Variants in CEP162 observed in about 807,000 individuals in gnomAD.
CEP162 encodes centrosomal protein of 162 kDa.
A neutral mutation model predicts 169.2 loss-of-function variants in CEP162; 141 were observed. The observed-to-expected ratio is 0.83, with a 90% CI of 0.73 to 0.96. CEP162 has a LOEUF of 0.96. Among genes scored for constraint, CEP162 ranks in the 40% least tolerant of loss-of-function variants. The pLI is 0.00. For missense variants in CEP162, 1,600 were observed against 1,587.2 expected (o/e 1.01, Z -0.14); for synonymous variants, 540 against 526.4 (o/e 1.03, Z -0.35).
At chr6:84,211,485 T>C (rs2099549425) in intron 6 of CEP162, among the ~76,000 whole-genome samples, 1 of 127,746 alleles carries the variant, frequency 7.8e-6, no homozygotes, top group South Asian at 2.3e-4. Flanking sequence ...CGAGATGGTA[T>C]CACTGCACTC....
rs1455395329 is a variant in CEP162, at chr6:84,161,859, TTTC to T, written c.2560_2562del (p.Glu854del). ...TGTAATCTTTTTTGCAGACGACTGA[TTTC>T]TTGTTTATGTGTTTCTTCTAAAATT... On this transcript the variant is annotated inframe_deletion, in exon 20 of 27. Coordinates refer to ENST00000403245, the MANE Select transcript of CEP162 (RefSeq NM_014895.4). 6 of 1,579,940 alleles carry T rather than the reference TTTC, an allele frequency of 3.8e-6. No homozygotes were observed. The South Asian group carries it at 4.6e-5, about 12-fold the overall frequency.
rs143613222 is a variant in CEP162, at chr6:84,192,876, G to A, written c.1109+733C>T. Among the ~76,000 whole-genome samples the A allele has an allele frequency of 5.1e-4, 77 of 152,318 alleles. No individual in the cohort carries two copies. The East Asian group carries it at 0.013, about 26-fold the overall frequency. On this transcript the variant is annotated intron_variant, in intron 11 of 26. Transcript: ENST00000403245. ...GGGATAATAATGGAGTATAACCCAT[G>A]GAGATGCTGTAAGGTTAAATTAAAT...
intron 3 of CEP162, 119 bp from the exon 4 acceptor site, chr6:84,216,041 C>T (rs2099551424): frequency 1.6e-6 from 2 of 1,236,322 alleles, no homozygotes; most frequent in East Asian, 2.8e-5. Flanking sequence ...AATAAATCTG[C>T]TCTATTAAAT....
At position 84,152,103 on chromosome 6, in the gene CEP162, G is replaced by A. The variant is rs574122228; in HGVS notation, c.3629+442C>T. Among the ~76,000 whole-genome samples the A allele has an allele frequency of 1.2e-3, 181 of 152,290 alleles. 1 individual carries two copies. Among genetic ancestry groups the A allele is most frequent in the African/African-American group, 4.3e-3 (177 of 41,578 alleles). ...AAAGTTCCTTAAGGCATGAATGGAT[G>A]TGATCACAAGGTCAATTTGAAGAGT... On this transcript the variant is annotated intron_variant, in intron 23 of 26. Transcript: ENST00000403245.
At chr6:84,164,941 C>T (rs2099527245) in intron 18 of CEP162, among the ~76,000 whole-genome samples, 1 of 152,094 alleles carries the variant, frequency 6.6e-6, no homozygotes, top group Non-Finnish European at 1.5e-5. Flanking sequence ...CTTACCATGA[C>T]CTTTAGTGTC....
Position 84,169,405 on chromosome 6 carries a change from A to C in CEP162, c.2308T>G (p.Ser770Ala). Residue 770 changes from serine to alanine, a missense_variant, in exon 18 of 27, where the codon TCT becomes GCT. By Grantham distance (99) the Ser-to-Ala change is moderately conservative. Coordinates refer to ENST00000403245, the MANE Select transcript of CEP162 (RefSeq NM_014895.4). ...GGCTCTGAATCTTCAACTACTTGAG[A>C]CAGAAAACGACTTTTGTGCATCTGT... is the stretch of plus-strand genomic sequence containing the variant. ...KEQMHKSRFL[S>A]QVVEDSEPTR... The C allele has an allele frequency of 6.3e-7, 1 of 1,576,568 alleles. No individual in the cohort carries two copies. Among genetic ancestry groups the C allele is most frequent in the South Asian group, 1.2e-5 (1 of 83,940 alleles).
chr6:84,131,996 C>T (rs971138664), intron 25 of CEP162, among the ~76,000 whole-genome samples: 12 of 152,206 alleles, frequency 7.9e-5, no homozygotes, highest in East Asian at 1.9e-4. Flanking sequence ...TTCCTTTCCA[C>T]GTTTAGTGCT....
rs1181454840 is a variant in CEP162 at position 84,221,074 on chromosome 6, T to A, written c.155A>T (p.Asp52Val). ...KDTVPWWITE[D>V]DFKDDGLLGT... is the part of the protein sequence containing the mutation. The stretch of plus-strand genomic sequence containing the variant: ...ACATTTACCATCATCTTTAAAATCA[T>A]CTTCAGTTATCCACCAAGGCACTGT... Residue 52 changes from aspartate (D) to valine (V), a missense_variant, in exon 3 of 27, where the codon GAT becomes GTT. Physicochemically the swap from Asp to Val is radical, Grantham distance 152. Transcript: ENST00000403245. The A allele has an allele frequency of 6.4e-7, 1 of 1,569,076 alleles. No individual in the cohort carries two copies. Among genetic ancestry groups the A allele is most frequent in the African/African-American group, 1.4e-5 (1 of 74,026 alleles).
At position 84,194,980 on chromosome 6, in the gene CEP162, T is replaced by G. The variant is rs1279582184; in HGVS notation, c.931A>C (p.Ile311Leu). 1.2e-6 allele frequency: 2 copies of G among 1,613,540 alleles called. No individual in the cohort carries two copies. The highest frequency in any genetic ancestry group is 2.2e-5 in the South Asian group (2 of 90,988). Residue 311 changes from isoleucine to leucine, a missense_variant, in exon 10 of 27, where the codon ATT becomes CTT. Coordinates refer to ENST00000403245, the MANE Select transcript of CEP162 (RefSeq NM_014895.4). ...HSLGDEDKQK[I>L]ESNTVEDIKS... ...ATATCTTCCACTGTGTTACTCTCAA[T>G]TTTTTGTTTGTCTTCATCTCCCAAT...
chr6:84,145,441 A>G (rs2099518414), intron 25 of CEP162, among the ~76,000 whole-genome samples: 2 of 152,102 alleles, frequency 1.3e-5, no homozygotes, highest in South Asian at 4.1e-4. Context: ...GACTAGACTT[A>G]TTTTTGCCAT....
intron 3 of CEP162, among the ~76,000 whole-genome samples, chr6:84,218,193 T>C (rs1212958672): frequency 6.6e-6 from 1 of 152,082 alleles, no homozygotes; most frequent in African/African-American, 2.4e-5. Flanking sequence ...AATAATTAGG[T>C]GAACTAGGCC....
chr6:84,226,580 G>A lies in CEP162; in HGVS notation c.-59-128C>T, dbSNP rs2099555833. The A allele has an allele frequency of 5.3e-6, 3 of 561,112 alleles. No individual in the cohort carries two copies. In the East Asian group the frequency reaches 8.7e-5, roughly 16 times the overall value. The allele number at this position is 561,112 out of a possible 1,614,324, so 34.8% of individuals were successfully genotyped here. A position where few individuals can be genotyped will look rare whatever the true frequency, so the allele number is the denominator to read the frequency against. ...CAATTTTTTTTAACCAGTAAGAGCTGGTCAAGAGATTCCTAATTCATTAAG... is the reference window on the plus strand; with the variant it reads ...CAATTTTTTTTAACCAGTAAGAGCTAGTCAAGAGATTCCTAATTCATTAAG... On this transcript the variant is annotated intron_variant, in intron 1 of 26. Coordinates refer to ENST00000403245, the MANE Select transcript of CEP162 (RefSeq NM_014895.4).
At chr6:84,142,229 T>C (rs1413363645) in intron 25 of CEP162, among the ~76,000 whole-genome samples, 2 of 152,172 alleles carry the variant, frequency 1.3e-5, no homozygotes, top group Non-Finnish European at 2.9e-5. Context: ...AGTAAAAAGT[T>C]TGGCCAGCTA....
chr6:84,140,119 G>A (rs1034484354), intron 25 of CEP162, among the ~76,000 whole-genome samples: 1 of 152,150 alleles, frequency 6.6e-6, no homozygotes, highest in African/African-American at 2.4e-5. Flanking sequence ...ACAAGCATTG[G>A]CTTGTGTCAG....
At chr6:84,154,379 C>T (rs6900748) in intron 22 of CEP162, among the ~76,000 whole-genome samples, 4,400 of 124,642 alleles carry the variant, frequency 0.035, 207 homozygotes, top group African/African-American at 0.14. Flanking sequence ...TATCTATCTA[C>T]CTATCTATCT....
chr6:84,218,108 T>C lies in CEP162; in HGVS notation c.173-2186A>G, dbSNP rs114804243. 8.2e-3 allele frequency among the ~76,000 whole-genome samples: 1,255 copies of C among 152,312 alleles called. 18 individuals carry two copies. The highest frequency in any genetic ancestry group is 0.029 in the African/African-American group (1,199 of 41,556). ...TTATATAAGATTAATTGGGGGGGTATACCAAGACAGGAAAATCCAAGAATA... is the reference window on the plus strand; with the variant it reads ...TTATATAAGATTAATTGGGGGGGTACACCAAGACAGGAAAATCCAAGAATA... On this transcript the variant is annotated intron_variant, in intron 3 of 26. Coordinates refer to ENST00000403245, the MANE Select transcript of CEP162 (RefSeq NM_014895.4).
intron 13 of CEP162, 87 bp from the exon 14 acceptor site, chr6:84,175,434 A>G: frequency 1.1e-6 from 1 of 932,858 alleles, no homozygotes; most frequent in South Asian, 1.7e-5. Flanking sequence ...TAAAAATACA[A>G]TGGAAACACA....
chr6:84,219,768 G>C (rs2099552951), intron 3 of CEP162, among the ~76,000 whole-genome samples: 1 of 152,096 alleles, frequency 6.6e-6, no homozygotes, highest in Non-Finnish European at 1.5e-5. Flanking sequence ...TAATGTTGAG[G>C]GTCAGGGGAT....
intron 25 of CEP162, among the ~76,000 whole-genome samples, chr6:84,137,214 T>C (rs2099514523): frequency 1.3e-5 from 2 of 152,246 alleles, no homozygotes; most frequent in South Asian, 4.1e-4. Context: ...AAATGCGTCA[T>C]GCTGCCTTGC....
Sources: allele counts gnomAD v4.1 joint callset (sites outside exome capture counted in the v4.1 genomes callset), GRCh38; gene constraint gnomAD v4.1.1; transcripts MANE v1.5; gene names NCBI Gene and HGNC (gene_info 2026-07-23, HGNC 2026-07-21).